Variants in ARSD observed in about 807,000 individuals in gnomAD.
ARSD encodes arylsulfatase D.
A neutral mutation model predicts 32.6 loss-of-function variants in ARSD; 21 were observed. The ratio of observed to expected loss-of-function variants is 0.64; its 90% CI spans 0.46 to 0.93. The LOEUF (loss-of-function observed/expected upper bound fraction) is 0.93. Among genes scored for constraint, ARSD ranks in the 40% least tolerant of loss-of-function variants. The pLI is 0.00. For missense variants in ARSD, 454 were observed against 520.9 expected (o/e 0.87, Z 1.25); for synonymous variants, 224 against 237.4 (o/e 0.94, Z 0.52).
intron 6 of ARSD, chrX:2,914,390 G>A: frequency 4.3e-6 from 2 of 465,002 alleles, no homozygotes; most frequent in Non-Finnish European, 5.5e-6. Flanking sequence ...ACACCACCAT[G>A]GCTAATTTTT....
chrX:2,913,868 CG>C (rs112134890), intron 6 of ARSD: 1 of 431,767 alleles, frequency 2.3e-6, no homozygotes, highest in South Asian at 5.7e-5. Context: ...CACCATCCCC[CG>C]CTTGGTGCTG....
chrX:2,914,236 T>C, intron 6 of ARSD: 2 of 363,240 alleles, frequency 5.5e-6, no homozygotes, highest in Admixed American at 1.1e-4. Context: ...CTTTTATTTC[T>C]TTTTTTTTTT....
chrX:2,909,836 C>T lies in ARSD; in HGVS notation c.1279G>A (p.Gly427Ser), dbSNP rs2088887274. 1.2e-5 allele frequency: 14 copies of T among 1,209,103 alleles called. No individual in the cohort carries two copies. The highest frequency in any genetic ancestry group is 1.6e-5 in the Non-Finnish European group (14 of 893,895). The change falls in exon 8 of 10, where the codon GGC becomes AGC. Residue 427 changes from glycine (G) to serine (S), a missense_variant. By Grantham distance (56) the Gly-to-Ser change is moderately conservative. This residue lies in a region of ARSD where 179 missense variants were observed against 198.5 expected (regional missense o/e 0.90). Coordinates refer to ENST00000381154, the MANE Select transcript of ARSD (RefSeq NM_001669.4). Reference sequence around the variant, plus strand: ...ACGTACCTGTCCTGGGGCACCTCGCCACCCACCAGCTGGACCACAGTAGGG... The same window carrying T: ...ACGTACCTGTCCTGGGGCACCTCGCTACCCACCAGCTGGACCACAGTAGGG... ...VFPTVVQLVG[G>S]EVPQDRVIDG...
intron 4 of ARSD, chrX:2,920,357 A>C: frequency 2.7e-6 from 1 of 368,767 alleles, no homozygotes; most frequent in Non-Finnish European, 4.7e-6. Context: ...CTTTGCAGGA[A>C]AACGGGATCT....
intron 2 of ARSD, chrX:2,923,233 G>A (rs1398182476): frequency 4.1e-6 from 1 of 243,390 alleles, no homozygotes; most frequent in African/African-American, 2.9e-5. Flanking sequence ...CAGCACTTTG[G>A]GGGGCTAAGG....
Position 2,905,739 on chromosome X carries a change from CAGTA to C in ARSD, c.*1528_*1531del, listed in dbSNP as rs1245378826. The C allele has an allele frequency of 8.9e-6, 1 of 112,786 alleles. No individual in the cohort carries two copies. Among genetic ancestry groups the C allele is most frequent in the Admixed American group, 9.3e-5 (1 of 10,717 alleles). 9.3% of individuals were successfully genotyped at this position (112,786 alleles called of 1,213,427 possible). A position where few individuals can be genotyped will look rare whatever the true frequency, so the allele number is the denominator to read the frequency against. ...GATGCGTCAAAAACCTCAGTCAACA[CAGTA>C]AGTGTTTTCTTGTTTTCCTGCTGAC... On this transcript the variant is annotated 3_prime_UTR_variant, in exon 10 of 10. Transcript: ENST00000381154.
chrX:2,918,798 T>C (rs1452321816), intron 4 of ARSD, among the ~76,000 whole-genome samples: 2 of 109,856 alleles, frequency 1.8e-5, no homozygotes, highest in Non-Finnish European at 3.8e-5. Flanking sequence ...AAAGAAAGAA[T>C]AAATCCACCC....
intron 2 of ARSD, among the ~76,000 whole-genome samples, chrX:2,925,310 C>T (rs1402307477): frequency 2.7e-5 from 3 of 112,477 alleles, no homozygotes; most frequent in East Asian, 5.6e-4. Flanking sequence ...TGGGAAAGTC[C>T]GGAAGGATCC....
In ARSD at chrX:2,920,428, T is replaced by C. The variant is rs1196072515; in HGVS notation, c.439+173A>G. ...CTTTGTCACCTAGACTGGAGTGCAGTGGTGTGATCTCGGCTCCCTGCAACC... is the reference window on the plus strand; with the variant it reads ...CTTTGTCACCTAGACTGGAGTGCAGCGGTGTGATCTCGGCTCCCTGCAACC... On this transcript the variant is annotated intron_variant, in intron 4 of 9. Transcript: ENST00000381154. The C allele has an allele frequency of 9.4e-6, 5 of 531,216 alleles. No homozygotes were observed. The African/African-American group carries it at 9.5e-5, about 10-fold the overall frequency. The allele number at this position is 531,216 out of a possible 1,213,427, so 43.8% of individuals were successfully genotyped here.
chrX:2,910,872 A>G (rs1238381889), intron 6 of ARSD, 79 bp from the exon 7 acceptor site: 1 of 1,087,293 alleles, frequency 9.2e-7, no homozygotes, highest in African/African-American at 1.8e-5. Flanking sequence ...TCCTTTCTGC[A>G]GGAGACACCT....
intron 4 of ARSD, 100 bp from the exon 5 acceptor site, chrX:2,918,327 T>G (rs2088992814): frequency 3.0e-5 from 26 of 869,912 alleles, no homozygotes; most frequent in Non-Finnish European, 4.1e-5. Context: ...AAAAGAAAAG[T>G]CTGCAAAGAG....
Position 2,914,876 on chromosome X carries a change from C to CTAT in ARSD, c.1000+677_1000+679dup, listed in dbSNP as rs774773960. The CTAT allele has an allele frequency of 1.1e-5, 10 of 941,723 alleles. No homozygotes were observed. In the African/African-American group the frequency reaches 1.8e-4, roughly 17 times the overall value. The allele number at this position is 941,723 out of a possible 1,213,427, so 77.6% of individuals were successfully genotyped here. On this transcript the variant is annotated intron_variant, in intron 6 of 9. Transcript: ENST00000381154. ...GTGTGTTCTGCCCCCATTCTTTGTA[C>CTAT]TATTATTATTATTAAAGAGACAGGG...
At position 2,907,445 on chromosome X, in the gene ARSD, C is replaced by G; in HGVS notation, c.1608G>C (p.Leu536=). The G allele has an allele frequency of 8.3e-7, 1 of 1,211,250 alleles. No individual in the cohort carries two copies. The highest frequency in any genetic ancestry group is 1.1e-6 in the Non-Finnish European group (1 of 895,162). The change falls in exon 10 of 10, where the codon CTG becomes CTC. Residue 536 remains leucine, a synonymous_variant. Coordinates refer to ENST00000381154, the MANE Select transcript of ARSD (RefSeq NM_001669.4). ...CTACCCTTGCTATCACGGCGTGGTA[C>G]AGGGGCTCGGAGTCGGGGGTCAGGG... is the stretch of plus-strand genomic sequence containing the variant. The part of the protein sequence containing the change: ...ARPLTPDSEP[L]YHAVIARVGA...
chrX:2,920,499 T>G, intron 4 of ARSD, 102 bp downstream of exon 4: 1 of 1,135,609 alleles, frequency 8.8e-7, no homozygotes, highest in Non-Finnish European at 1.2e-6. Context: ...GCCTCCTAAG[T>G]AGCTGGGACT....
At chrX:2,914,664 C>T (rs375508839) in intron 6 of ARSD, 11 of 1,025,841 alleles carry the variant, frequency 1.1e-5, no homozygotes, top group Non-Finnish European at 1.4e-5. Flanking sequence ...CTGGTCCTCT[C>T]CAGGGTTTCT....
chrX:2,923,521 T>C (rs1473060531), intron 2 of ARSD, among the ~76,000 whole-genome samples: 1 of 111,820 alleles, frequency 8.9e-6, no homozygotes, highest in African/African-American at 3.2e-5. Context: ...TTCTCTCACA[T>C]TTCTGGGAGC....
In ARSD at chrX:2,917,973, C is replaced by A. The variant is rs780696524; in HGVS notation, c.694G>T (p.Gly232Cys). Residue 232 changes from glycine to cysteine, a missense_variant, in exon 5 of 10, where the codon GGC (glycine) becomes TGC (cysteine). Around this residue, in one of 3 missense-constraint regions of ARSD, gnomAD observed 271 missense variants for 301.0 expected, o/e 0.90. Transcript: ENST00000381154. The stretch of plus-strand genomic sequence containing the variant: ...AACAGGCAGCCCACGCCGGCCATGC[C>A]GGTGACTGCTCTCGCGGAGACAGAG... ...FFSVSARAVT[G>C]MAGVGCLFFI... The A allele has an allele frequency of 2.5e-6, 3 of 1,211,615 alleles. No homozygotes were observed. The highest frequency in any genetic ancestry group is 2.2e-6 in the Non-Finnish European group (2 of 895,230).
At chrX:2,913,982 G>GC (rs1020593646) in intron 6 of ARSD, 1 of 346,011 alleles carries the variant, frequency 2.9e-6, no homozygotes, top group African/African-American at 2.9e-5. Context: ...CTCCCCCTTC[G>GC]CCTTCCACCA....
At chrX:2,920,355 G>A in intron 4 of ARSD, 1 of 364,822 alleles carries the variant, frequency 2.7e-6, no homozygotes, top group Non-Finnish European at 4.7e-6. Flanking sequence ...TCCTTTGCAG[G>A]AAAACGGGAT....
Sources: allele counts gnomAD v4.1 joint callset (sites outside exome capture counted in the v4.1 genomes callset), GRCh38; gene constraint gnomAD v4.1.1; regional missense constraint gnomAD v4.1.1; transcripts MANE v1.5; gene names NCBI Gene and HGNC (gene_info 2026-07-23, HGNC 2026-07-21).